MTCL1: variants seen among roughly 807,000 people sequenced by gnomAD.
MTCL1 encodes microtubule cross-linking factor 1.
MTCL1 carries 79 observed loss-of-function variants against 141.4 expected under a neutral mutation model. The ratio of observed to expected loss-of-function variants is 0.56; its 90% CI spans 0.47 to 0.67. MTCL1 has a LOEUF of 0.67. Among genes scored for constraint, MTCL1 ranks in the 30% least tolerant of loss-of-function variants. The pLI is 0.00. For missense variants in MTCL1, 2,177 were observed against 2,113.9 expected, an observed-to-expected ratio of 1.03 and a Z score of -0.59; for synonymous variants, 914 against 875.8, an observed-to-expected ratio of 1.04 and a Z score of -0.77.
intron 12 of MTCL1, among the ~76,000 whole-genome samples, chr18:8,815,555 A>G (rs2076626161): frequency 6.6e-6 from 1 of 151,802 alleles, no homozygotes; most frequent in East Asian, 1.9e-4. Context: ...CCAGCATGGC[A>G]CATGTATACA....
chr18:8,711,943 A>G (rs1419798993), intron 1 of MTCL1, among the ~76,000 whole-genome samples: 3 of 152,210 alleles, frequency 2.0e-5, no homozygotes, highest in African/African-American at 7.2e-5. Flanking sequence ...GCTCGGAGAC[A>G]GTCAGACAAG....
chr18:8,722,151 A>G (rs910275897), intron 4 of MTCL1, among the ~76,000 whole-genome samples: 1 of 152,092 alleles, frequency 6.6e-6, no homozygotes, highest in Non-Finnish European at 1.5e-5. Context: ...CCTTTGTTCT[A>G]AGTTTGCTGG....
chr18:8,710,954 A>G (rs1315109560), intron 1 of MTCL1, among the ~76,000 whole-genome samples: 1 of 140,258 alleles, frequency 7.1e-6, no homozygotes, highest in Admixed American at 7.8e-5. Flanking sequence ...TTAGTTACAT[A>G]TGTATACATG....
intron 4 of MTCL1, among the ~76,000 whole-genome samples, chr18:8,769,403 G>A (rs183103720): frequency 2.2e-4 from 33 of 152,264 alleles, no homozygotes; most frequent in Admixed American, 5.2e-4. Flanking sequence ...ATAATTTACA[G>A]TTTTACTTTA....
At chr18:8,754,432 C>T (rs2096387244) in intron 4 of MTCL1, among the ~76,000 whole-genome samples, 1 of 152,184 alleles carries the variant, frequency 6.6e-6, no homozygotes, top group South Asian at 2.1e-4. Flanking sequence ...GTATAATACT[C>T]TACCAGGAGC....
chr18:8,761,387 T>G (rs1177888114), intron 4 of MTCL1, among the ~76,000 whole-genome samples: 2 of 152,254 alleles, frequency 1.3e-5, no homozygotes, highest in African/African-American at 4.8e-5. Flanking sequence ...AGCACCAATT[T>G]GGTGGCATTA....
intron 7 of MTCL1, chr18:8,786,300 G>T (rs192438330): frequency 1.4e-6 from 1 of 710,724 alleles, no homozygotes; most frequent in Non-Finnish European, 2.5e-6. Flanking sequence ...TGCTGTGCTC[G>T]TCAGACAGAG....
chr18:8,708,904 G>A (rs1270920796), intron 1 of MTCL1, among the ~76,000 whole-genome samples: 2 of 152,224 alleles, frequency 1.3e-5, no homozygotes, highest in Non-Finnish European at 2.9e-5. Flanking sequence ...AGAGAAGAGG[G>A]TTGTGAAGGA....
chr18:8,764,712 C>CA (rs1320207715), intron 4 of MTCL1, among the ~76,000 whole-genome samples: 1 of 152,138 alleles, frequency 6.6e-6, no homozygotes, highest in Non-Finnish European at 1.5e-5. Context: ...GTCCTTAATT[C>CA]ACCTTTCCCT....
intron 4 of MTCL1, among the ~76,000 whole-genome samples, chr18:8,776,058 A>G (rs917071082): frequency 6.6e-5 from 10 of 152,226 alleles, no homozygotes; most frequent in African/African-American, 2.4e-4. Context: ...AGGGACTTGC[A>G]TAGAGCCTCC....
At position 8,706,362 on chromosome 18, in the gene MTCL1, C is replaced by T. The variant is rs925263452; in HGVS notation, c.702C>T (p.Ala234=). 7 of 1,230,370 alleles carry T rather than the reference C, an allele frequency of 5.7e-6. No homozygotes were observed. In the East Asian group the frequency reaches 1.9e-4, roughly 34 times the overall value. 76.2% of individuals were successfully genotyped at this position (1,230,370 alleles called of 1,614,324 possible). A position where few individuals can be genotyped will look rare whatever the true frequency, so the allele number is the denominator to read the frequency against. Reference sequence around the variant, plus strand: ...TGCTCCCTGCCGCCAGCAGCGACGCCGAATCCGGCACGGGCTCCAGCGACC... The same window carrying T: ...TGCTCCCTGCCGCCAGCAGCGACGCTGAATCCGGCACGGGCTCCAGCGACC... Residue 234 remains alanine, a synonymous_variant, in exon 1 of 14, where the codon GCC becomes GCT. Transcript: ENST00000306329.
exon 1 of MTCL1, chr18:8,706,174 C>T (rs1310905617): frequency 4.1e-6 from 5 of 1,223,158 alleles, no homozygotes; most frequent in Non-Finnish European, 5.1e-6. Flanking sequence ...GCCACCCGCC[C>T]GCACCGTCGG....
chr18:8,716,569 ATTTTT>A (rs138840096), upstream of MTCL1, among the ~76,000 whole-genome samples: 6 of 103,890 alleles, frequency 5.8e-5, no homozygotes, highest in African/African-American at 1.2e-4. Flanking sequence ...CTTTTTGTTC[ATTTTT>A]TTTTTTTTTT....
Position 8,730,722 on chromosome 18 carries a change from A to G in MTCL1, c.357+10226A>G, listed in dbSNP as rs527899649. The stretch of plus-strand genomic sequence containing the variant: ...GGCTCCGGGGGACCTTTTAGGGCAG[A>G]TTATGGCACCCTTGGGATGGCTACC... On this transcript the variant is annotated intron_variant, in intron 4 of 16. Transcript: ENST00000359865. 1.3e-4 allele frequency among the ~76,000 whole-genome samples: 20 copies of G among 152,270 alleles called. 1 individual carries two copies. Among genetic ancestry groups the G allele is most frequent in the African/African-American group, 4.8e-4 (20 of 41,554 alleles).
At chr18:8,715,683 C>T (rs756949124), upstream of MTCL1, among the ~76,000 whole-genome samples, 3 of 152,248 alleles carry the variant, frequency 2.0e-5, no homozygotes, top group East Asian at 1.9e-4. Context: ...TCAAACTTGA[C>T]GTTGATTTTT....
At position 8,779,072 on chromosome 18, in the gene MTCL1, G is replaced by T. The variant is rs765866218; in HGVS notation, c.417+1180G>T. ...GGAGCGCCCTGGGAACTGCAGGCCCGCAACCAAAACCCAAAGGAAGCTGGC... is the reference window on the plus strand; with the variant it reads ...GGAGCGCCCTGGGAACTGCAGGCCCTCAACCAAAACCCAAAGGAAGCTGGC... On this transcript the variant is annotated intron_variant, in intron 5 of 16. Transcript: ENST00000359865. The surrounding 1 kb of genome is among the most constrained non-coding windows in gnomAD (Gnocchi z 4.1). Among the ~76,000 whole-genome samples the T allele has an allele frequency of 6.6e-6, 1 of 152,252 alleles. No individual in the cohort carries two copies. The highest frequency in any genetic ancestry group is 1.5e-5 in the Non-Finnish European group (1 of 68,042).
chr18:8,772,454 C>T (rs2143086361), intron 4 of MTCL1, among the ~76,000 whole-genome samples: 1 of 151,836 alleles, frequency 6.6e-6, no homozygotes, highest in Admixed American at 6.6e-5. Flanking sequence ...ATAGTACTTA[C>T]TGTAGATCAT....
chr18:8,783,538 T>G, exon 6 of MTCL1: 1 of 1,600,262 alleles, frequency 6.2e-7, no homozygotes, highest in Non-Finnish European at 8.6e-7. Flanking sequence ...AGGATGACAG[T>G]GCCGATTTGA....
chr18:8,741,011 A>T (rs2096300174), intron 4 of MTCL1, among the ~76,000 whole-genome samples: 1 of 152,212 alleles, frequency 6.6e-6, no homozygotes, highest in African/African-American at 2.4e-5. Context: ...TCTTTCCACA[A>T]AGCAACCCTA....
Sources: allele counts gnomAD v4.1 joint callset (sites outside exome capture counted in the v4.1 genomes callset), GRCh38; gene constraint gnomAD v4.1.1; non-coding constraint Gnocchi (gnomAD v3.1); transcripts MANE v1.5; gene names NCBI Gene and HGNC (gene_info 2026-07-23, HGNC 2026-07-21).